ZNF585B: variants seen among roughly 807,000 people sequenced by gnomAD.
ZNF585B encodes zinc finger protein 41-like protein.
ZNF585B carries 7 observed loss-of-function variants against 14.0 expected under a neutral mutation model. The observed-to-expected ratio is 0.50, with a 90% CI of 0.28 to 0.94. ZNF585B has a LOEUF of 0.94. ZNF585B is among the 40% of genes least tolerant of loss of function. The pLI is 0.09. For missense variants in ZNF585B, 750 were observed against 924.4 expected (o/e 0.81, Z 2.45); for synonymous variants, 290 against 317.3 (o/e 0.91, Z 0.91).
chr19:37,209,257 A>G (rs1466101109), intron 1 of ZNF585B, among the ~76,000 whole-genome samples: 4 of 151,936 alleles, frequency 2.6e-5, no homozygotes, highest in African/African-American at 9.7e-5. Context: ...GGCACCCACC[A>G]CCACACCCAG....
intron 2 of ZNF585B, chr19:37,199,117 C>A: frequency 1.2e-6 from 1 of 863,308 alleles, no homozygotes; most frequent in East Asian, 2.9e-5. Context: ...TCACACCCTA[C>A]ACACACCAAA....
chr19:37,206,494 A>T (rs1042975379), intron 2 of ZNF585B, among the ~76,000 whole-genome samples: 19 of 152,112 alleles, frequency 1.2e-4, no homozygotes, highest in Non-Finnish European at 2.2e-4. Flanking sequence ...TAGAGTTTTT[A>T]AAAATTAAAA....
intron 1 of ZNF585B, among the ~76,000 whole-genome samples, chr19:37,207,594 T>C (rs925750810): frequency 6.6e-6 from 1 of 152,238 alleles, no homozygotes; most frequent in Non-Finnish European, 1.5e-5. Flanking sequence ...AGATTTGAAC[T>C]GCAGCTGTAC....
rs777925506 is a variant in ZNF585B at position 37,190,041 on chromosome 19, C to T, written c.182G>A (p.Ser61Asn). The T allele has an allele frequency of 2.5e-6, 4 of 1,614,062 alleles. No individual in the cohort carries two copies. The highest frequency in any genetic ancestry group is 2.2e-5 in the East Asian group (1 of 44,860). The change falls in exon 3 of 5, where the codon AGC becomes AAC. Residue 61 changes from serine (S) to asparagine (N), a missense_variant. This residue lies in a region of ZNF585B where 517 missense variants were observed against 570.3 expected (regional missense o/e 0.91). Coordinates refer to ENST00000532828, the MANE Select transcript of ZNF585B (RefSeq NM_152279.4). ...GTGCTTACCTACTGAGAGCAGGTGG[C>T]TGTAGGTCTCCAGCATCACATCCCG... is the stretch of plus-strand genomic sequence containing the variant. ...LYRDVMLETYSHLLSVGYQVP... is the reference protein window; with the variant it reads ...LYRDVMLETYNHLLSVGYQVP...
rs184400934 is a variant in ZNF585B at position 37,191,276 on chromosome 19, T to C, written c.73-1126A>G. 2.4e-3 allele frequency among the ~76,000 whole-genome samples: 365 copies of C among 152,264 alleles called. 2 individuals carry two copies. Among genetic ancestry groups the C allele is most frequent in the Non-Finnish European group, 3.6e-3 (244 of 68,024 alleles). ...TTTTACATAGGTCACATATTAAATA[T>C]CCAGTTTTAGCTGGGGTGCAGTGGC... On this transcript the variant is annotated intron_variant, in intron 2 of 4. Coordinates refer to ENST00000532828, the MANE Select transcript of ZNF585B (RefSeq NM_152279.4).
At chr19:37,191,231 G>T (rs1972396702) in intron 2 of ZNF585B, among the ~76,000 whole-genome samples, 1 of 152,108 alleles carries the variant, frequency 6.6e-6, no homozygotes, top group Non-Finnish European at 1.5e-5. Context: ...TGAGTGATAA[G>T]AAATTTCTAA....
chr19:37,205,630 G>A (rs1972577407), intron 2 of ZNF585B, among the ~76,000 whole-genome samples: 1 of 152,024 alleles, frequency 6.6e-6, no homozygotes, highest in Admixed American at 6.6e-5. Context: ...GGCAGAGGTG[G>A]GTGAACCACA....
chr19:37,199,039 A>T, intron 2 of ZNF585B: 2 of 1,521,492 alleles, frequency 1.3e-6, no homozygotes, highest in East Asian at 2.5e-5. Context: ...TTTCTTTGAA[A>T]ATGGTACCTA....
At chr19:37,194,157 A>G (rs1435097567) in intron 2 of ZNF585B, among the ~76,000 whole-genome samples, 2 of 152,238 alleles carry the variant, frequency 1.3e-5, no homozygotes, top group Non-Finnish European at 2.9e-5. Flanking sequence ...GGTAAAAGGT[A>G]CAATAGGTGA....
At chr19:37,209,413 A>G (rs1225753387) in intron 1 of ZNF585B, among the ~76,000 whole-genome samples, 1 of 152,090 alleles carries the variant, frequency 6.6e-6, no homozygotes, top group East Asian at 1.9e-4. Flanking sequence ...AGTCATATCT[A>G]GCAATACACT....
rs1365260437 is a variant in ZNF585B, at chr19:37,186,498, T to C, written c.1039A>G (p.Ile347Val). The C allele has an allele frequency of 1.3e-5, 21 of 1,614,176 alleles. No individual in the cohort carries two copies. In the East Asian group the frequency reaches 4.0e-4, roughly 31 times the overall value. Residue 347 changes from isoleucine to valine, a missense_variant, in exon 5 of 5, where the codon ATT (isoleucine) becomes GTT (valine). Ile to Val is a conservative substitution (Grantham distance 29, BLOSUM62 3). Transcript: ENST00000532828. ...NNSNLITHEK[I>V]QSREKSSICT... ...ATGGAAGATTTCTCTCTACTTTGAA[T>C]CTTCTCATGTGTAATGAGGTTGGAA...
chr19:37,192,180 C>T (rs1010733520), intron 2 of ZNF585B, among the ~76,000 whole-genome samples: 8 of 152,082 alleles, frequency 5.3e-5, no homozygotes, highest in Non-Finnish European at 5.9e-5. Flanking sequence ...CTAGTCTTCA[C>T]GCAACCTGAA....
Position 37,209,570 on chromosome 19 carries a change from TA to T in ZNF585B, c.-144+870del, listed in dbSNP as rs58227304. ...ATACATAATATATATAACATATGATTAATATCCATAACAATACAAATTAGAG... is the reference window on the plus strand; with the variant it reads ...ATACATAATATATATAACATATGATTATATCCATAACAATACAAATTAGAG... On this transcript the variant is annotated intron_variant, in intron 1 of 4. Coordinates refer to ENST00000532828, the MANE Select transcript of ZNF585B (RefSeq NM_152279.4). Among the ~76,000 whole-genome samples, 1,369 of 152,310 alleles carry T rather than the reference TA, an allele frequency of 9.0e-3. 20 individuals carry two copies. The highest frequency in any genetic ancestry group is 0.031 in the African/African-American group (1,293 of 41,566).
In ZNF585B at chr19:37,185,994, TTC is replaced by T. The variant is rs1293117037; in HGVS notation, c.1541_1542del (p.Arg514AsnfsTer9). On this transcript the variant is annotated frameshift_variant, in exon 5 of 5. Transcript: ENST00000532828. LOFTEE classifies it low-confidence loss of function (END_TRUNC). ...TQRSDLITHQ[R>X]IHTGEKPYEC... ...TCATAAGGCTTCTCCCCAGTATGGATTCTCTGATGTGTAATCAAGTCTGACCT... is the reference window on the plus strand; with the variant it reads ...TCATAAGGCTTCTCCCCAGTATGGATTCTGATGTGTAATCAAGTCTGACCT... 1 of 1,614,000 alleles carries T rather than the reference TTC, an allele frequency of 6.2e-7. No individual in the cohort carries two copies. Among genetic ancestry groups the T allele is most frequent in the Non-Finnish European group, 8.5e-7 (1 of 1,180,008 alleles).
chr19:37,190,557 T>G (rs1023262343), intron 2 of ZNF585B: 1 of 157,066 alleles, frequency 6.4e-6, no homozygotes, highest in Non-Finnish European at 1.4e-5. Context: ...TGGCCGTTTT[T>G]GTTTTTGTTT....
chr19:37,187,043 C>T lies in ZNF585B; in HGVS notation c.494G>A (p.Arg165Lys), dbSNP rs1420938870. ...GAATTCTGGCTTCTGTACAAAAGCC[C>T]TCCCACATTCAATACATACATAGAG... Reference protein sequence around the residue: ...EKLYVCIECGRAFVQKPEFIT... With the variant: ...EKLYVCIECGKAFVQKPEFIT... Residue 165 changes from arginine to lysine, a missense_variant, in exon 5 of 5, where the codon AGG becomes AAG. Physicochemically the swap from Arg to Lys is conservative, Grantham distance 26. This residue lies in a region of ZNF585B where 517 missense variants were observed against 570.3 expected (regional missense o/e 0.91). Transcript: ENST00000532828. 8 of 1,612,954 alleles carry T rather than the reference C, an allele frequency of 5.0e-6. No individual in the cohort carries two copies. The highest frequency in any genetic ancestry group is 2.2e-5 in the East Asian group (1 of 44,882).
chr19:37,198,944 TG>T, intron 2 of ZNF585B: 2 of 1,482,186 alleles, frequency 1.3e-6, no homozygotes, highest in East Asian at 2.5e-5. Context: ...GCTACCTTGT[TG>T]ATTTCTTCAT....
intron 2 of ZNF585B, among the ~76,000 whole-genome samples, chr19:37,198,172 T>A (rs1972490088): frequency 6.6e-6 from 1 of 152,088 alleles, no homozygotes; most frequent in Non-Finnish European, 1.5e-5. Flanking sequence ...TTATTTATTT[T>A]ATTATTATTA....
At chr19:37,207,819 A>G (rs1972601007) in intron 1 of ZNF585B, among the ~76,000 whole-genome samples, 1 of 152,040 alleles carries the variant, frequency 6.6e-6, no homozygotes, top group South Asian at 2.1e-4. Context: ...CAAAACAAGT[A>G]AGATAATAAA....
Sources: allele counts gnomAD v4.1 joint callset (sites outside exome capture counted in the v4.1 genomes callset), GRCh38; gene constraint gnomAD v4.1.1; regional missense constraint gnomAD v4.1.1; transcripts MANE v1.5; gene names NCBI Gene and HGNC (gene_info 2026-07-23, HGNC 2026-07-21).